Variants in SLC25A26 observed in about 807,000 individuals in gnomAD.
SLC25A26 encodes mitochondrial S-adenosylmethionine carrier protein.
Under a neutral mutation model 37.8 loss-of-function variants are expected in SLC25A26, and 36 were observed. The ratio of observed to expected loss-of-function variants is 0.95; its 90% CI spans 0.73 to 1.26. The LOEUF (loss-of-function observed/expected upper bound fraction) is 1.26. Among genes scored for constraint, SLC25A26 ranks in the 50% most tolerant of loss-of-function variants. The pLI is 0.00. For missense variants in SLC25A26, 390 were observed against 331.1 expected (o/e 1.18, Z -1.38); for synonymous variants, 129 against 122.5 (o/e 1.05, Z -0.35).
intron 7 of SLC25A26, among the ~76,000 whole-genome samples, chr3:66,366,364 T>C (rs1320409181): frequency 6.6e-6 from 1 of 152,232 alleles, no homozygotes; most frequent in African/African-American, 2.4e-5. Context: ...ATGACCATTA[T>C]TCTATTCTAT....
At chr3:66,237,723 C>G (rs1365837323) in intron 2 of SLC25A26, among the ~76,000 whole-genome samples, 1 of 152,158 alleles carries the variant, frequency 6.6e-6, no homozygotes, top group Non-Finnish European at 1.5e-5. Flanking sequence ...TTGGATGCCT[C>G]TAGTGGCATT....
intron 1 of SLC25A26, among the ~76,000 whole-genome samples, chr3:66,213,179 C>G (rs976352388): frequency 1.3e-4 from 19 of 151,968 alleles, no homozygotes; most frequent in African/African-American, 4.6e-4. Flanking sequence ...GTGGGTGGAT[C>G]ACCTGAGGTC....
At chr3:66,307,781 G>A (rs907309410) in intron 5 of SLC25A26, among the ~76,000 whole-genome samples, 1 of 152,086 alleles carries the variant, frequency 6.6e-6, no homozygotes, top group African/African-American at 2.4e-5. Context: ...GCTTGTTTTT[G>A]TCAGGTTTGT....
chr3:66,260,748 A>G (rs2073496920), intron 3 of SLC25A26, among the ~76,000 whole-genome samples: 1 of 152,230 alleles, frequency 6.6e-6, no homozygotes, highest in Non-Finnish European at 1.5e-5. Flanking sequence ...GTTTTTGTAA[A>G]TATAGTTTTA....
chr3:66,284,985 T>C (rs1347262310), intron 5 of SLC25A26, among the ~76,000 whole-genome samples: 1 of 152,162 alleles, frequency 6.6e-6, no homozygotes, highest in African/African-American at 2.4e-5. Context: ...ACATGGGTAG[T>C]AAAATGATAA....
intron 1 of SLC25A26, among the ~76,000 whole-genome samples, chr3:66,159,871 T>C (rs2106708951): frequency 6.6e-6 from 1 of 152,286 alleles, no homozygotes; most frequent in East Asian, 1.9e-4. Flanking sequence ...CTGTCTTTCA[T>C]GACACCCCAC....
At chr3:66,345,399 C>T (rs1284909043) in intron 5 of SLC25A26, among the ~76,000 whole-genome samples, 1 of 151,948 alleles carries the variant, frequency 6.6e-6, no homozygotes, top group South Asian at 2.1e-4. Flanking sequence ...TTTCCCTCCA[C>T]CTGCCCTTGC....
At chr3:66,352,453 TGAGATG>T (rs2076480232) in intron 6 of SLC25A26, among the ~76,000 whole-genome samples, 1 of 149,454 alleles carries the variant, frequency 6.7e-6, no homozygotes, top group African/African-American at 2.5e-5. Context: ...TTTTTTTTTT[TGAGATG>T]TACCAAGGCC....
chr3:66,215,962 C>T (rs2071354932), intron 1 of SLC25A26, among the ~76,000 whole-genome samples: 1 of 152,130 alleles, frequency 6.6e-6, no homozygotes, highest in Admixed American at 6.5e-5. Flanking sequence ...CTGGGGAGGG[C>T]CCAGTTCCTG....
intron 1 of SLC25A26, among the ~76,000 whole-genome samples, chr3:66,141,819 GTA>G (rs1280669244): frequency 6.6e-6 from 1 of 152,172 alleles, no homozygotes; most frequent in Non-Finnish European, 1.5e-5. Context: ...GGTCTTGAAT[GTA>G]TTCTTTTCTT....
intron 1 of SLC25A26, among the ~76,000 whole-genome samples, chr3:66,235,080 C>G (rs958214654): frequency 1.3e-5 from 2 of 152,078 alleles, no homozygotes; most frequent in South Asian, 2.1e-4. Context: ...GTCTTTTTCA[C>G]TAGTAAGTAG....
chr3:66,285,329 A>G (rs2074474765), intron 5 of SLC25A26, among the ~76,000 whole-genome samples: 3 of 151,772 alleles, frequency 2.0e-5, no homozygotes, highest in East Asian at 2.0e-4. Flanking sequence ...GATTTTTGCT[A>G]TGTGAGTTGT....
chr3:66,193,361 C>A (rs1420682494), intron 1 of SLC25A26, among the ~76,000 whole-genome samples: 7 of 152,028 alleles, frequency 4.6e-5, no homozygotes, highest in African/African-American at 1.7e-4. Context: ...TTTTTGTCAA[C>A]AAATTGTTCT....
At chr3:66,347,598 A>G (rs1477469926) in intron 6 of SLC25A26, among the ~76,000 whole-genome samples, 1 of 152,254 alleles carries the variant, frequency 6.6e-6, no homozygotes, top group Non-Finnish European at 1.5e-5. Flanking sequence ...CAGAAATACC[A>G]TTTGACCCAG....
chr3:66,263,339 A>G lies in SLC25A26; in HGVS notation c.413A>G (p.Gln138Arg), dbSNP rs2073607477. 6.2e-7 allele frequency: 1 copy of G among 1,612,232 alleles called. No individual in the cohort carries two copies. Among genetic ancestry groups the G allele is most frequent in the Non-Finnish European group, 8.5e-7 (1 of 1,178,822 alleles). The change falls in exon 5 of 10, where the codon CAA becomes CGA. Residue 138 changes from glutamine to arginine, a missense_variant. Gln to Arg is a conservative substitution (Grantham distance 43). Transcript: ENST00000354883. ...FSNILYEEGI[Q>R]GLYRGYKSTV... Reference sequence around the variant, plus strand: ...GCTGTGTGTTTGTTTCAGGGTATCCAAGGGTTGTATCGAGGCTATAAAAGC... The same window carrying G: ...GCTGTGTGTTTGTTTCAGGGTATCCGAGGGTTGTATCGAGGCTATAAAAGC...
At chr3:66,202,003 A>G (rs2071116837) in intron 1 of SLC25A26, among the ~76,000 whole-genome samples, 1 of 152,328 alleles carries the variant, frequency 6.6e-6, no homozygotes, top group African/African-American at 2.4e-5. Context: ...ATCATTTAAG[A>G]AAGAAAAAAA....
chr3:66,281,347 A>G (rs1369184466), intron 5 of SLC25A26, among the ~76,000 whole-genome samples: 1 of 152,222 alleles, frequency 6.6e-6, no homozygotes, highest in Non-Finnish European at 1.5e-5. Context: ...CTATGCGGTA[A>G]TATTTTGAGA....
chr3:66,330,246 G>A (rs1435240246), intron 5 of SLC25A26, among the ~76,000 whole-genome samples: 1 of 152,106 alleles, frequency 6.6e-6, no homozygotes, highest in Non-Finnish European at 1.5e-5. Flanking sequence ...AGGTAGAGCA[G>A]GTTTGGGAGG....
chr3:66,166,313 G>A (rs994400614), intron 1 of SLC25A26, among the ~76,000 whole-genome samples: 2 of 152,184 alleles, frequency 1.3e-5, no homozygotes, highest in Non-Finnish European at 2.9e-5. Flanking sequence ...ATAAAGAAGA[G>A]GAAGTAGCAG....
Sources: gnomAD v4.1 joint callset for allele counts (sites outside exome capture counted in the v4.1 genomes callset) on GRCh38, gnomAD v4.1.1 for gene constraint, MANE v1.5 for transcripts, NCBI Gene and HGNC (gene_info 2026-07-23, HGNC 2026-07-21) for gene names.